Variants in POU2AF2 observed in about 807,000 individuals in gnomAD.
The protein encoded by POU2AF2 is POU class 2 homeobox associating factor 2.
At chr11:111,247,191 C>CAGAGAGAGAGAGAGAG in the POU2AF2 span, among the ~76,000 whole-genome samples, 6,072 of 144,726 alleles carry the variant, frequency 0.042, 167 homozygotes, top group South Asian at 0.06. Flanking sequence ...TACACACACA[C>CAGAGAGAGAGAGAGAG]AGAGAGAGAG....
the POU2AF2 span, chr11:111,284,103 G>A: frequency 6.2e-7 from 1 of 1,614,208 alleles, no homozygotes; most frequent in Non-Finnish European, 8.5e-7. Flanking sequence ...GGTTACTACG[G>A]TGTCAGAAGA....
the POU2AF2 span, among the ~76,000 whole-genome samples, chr11:111,262,649 C>T: frequency 6.6e-6 from 1 of 152,166 alleles, no homozygotes; most frequent in Non-Finnish European, 1.5e-5. Context: ...CTCCTTCTTT[C>T]GTCTGTTTGA....
At chr11:111,256,651 A>G in the POU2AF2 span, among the ~76,000 whole-genome samples, 2 of 152,242 alleles carry the variant, frequency 1.3e-5, no homozygotes, top group Non-Finnish European at 2.9e-5. Context: ...GGTCCCTTCC[A>G]GCTGTAAATA....
chr11:111,251,048 G>A, the POU2AF2 span, among the ~76,000 whole-genome samples: 2 of 152,122 alleles, frequency 1.3e-5, no homozygotes, highest in South Asian at 2.1e-4. Flanking sequence ...TTGAACTTGC[G>A]TTTTCAAAGG....
chr11:111,277,759 G>T, the POU2AF2 span, among the ~76,000 whole-genome samples: 1 of 152,142 alleles, frequency 6.6e-6, no homozygotes, highest in South Asian at 2.1e-4. Flanking sequence ...CTCCCTGGGC[G>T]GCACCCAGGA....
the POU2AF2 span, among the ~76,000 whole-genome samples, chr11:111,276,456 ATAT>A: frequency 7.9e-4 from 29 of 36,580 alleles, no homozygotes; most frequent in Middle Eastern, 0.012. Context: ...AAAAAAAAAT[ATAT>A]ATATATATAT....
the POU2AF2 span, among the ~76,000 whole-genome samples, chr11:111,252,203 C>G: frequency 1.3e-5 from 2 of 152,184 alleles, no homozygotes; most frequent in Non-Finnish European, 2.9e-5. Context: ...GATACTCCCC[C>G]TCTTGCTCAG....
chr11:111,254,936 T>C, the POU2AF2 span, among the ~76,000 whole-genome samples: 3 of 152,216 alleles, frequency 2.0e-5, no homozygotes, highest in Admixed American at 2.0e-4. Flanking sequence ...ACAATTATAA[T>C]AATTATAGTT....
chr11:111,271,845 T>A, the POU2AF2 span, among the ~76,000 whole-genome samples: 7 of 151,918 alleles, frequency 4.6e-5, no homozygotes, highest in East Asian at 1.4e-3. Context: ...AAACCCCGTC[T>A]CTACTAAATA....
the POU2AF2 span, among the ~76,000 whole-genome samples, chr11:111,264,705 AAAG>A: frequency 1.1e-4 from 17 of 149,372 alleles, no homozygotes; most frequent in East Asian, 8.0e-4. Context: ...AGAAAGAAAG[AAAG>A]AAGAAGAAGA....
the POU2AF2 span, among the ~76,000 whole-genome samples, chr11:111,260,544 G>A: frequency 6.6e-6 from 1 of 152,088 alleles, no homozygotes; most frequent in Non-Finnish European, 1.5e-5. Context: ...CACACACCGG[G>A]GAGAAGATAC....
the POU2AF2 span, chr11:111,245,731 G>C: frequency 2.5e-6 from 1 of 397,828 alleles, no homozygotes; most frequent in African/African-American, 2.1e-5. Flanking sequence ...GTGTGCAGAA[G>C]GCTTTCCCAC....
the POU2AF2 span, chr11:111,284,298 C>T: frequency 6.2e-7 from 1 of 1,613,370 alleles, no homozygotes; most frequent in African/African-American, 1.3e-5. Context: ...ACGCCCAACG[C>T]GGGCTCTCTG....
the POU2AF2 span, among the ~76,000 whole-genome samples, chr11:111,276,453 A>AAAAAAATATATATATATATAT: frequency 8.0e-5 from 3 of 37,666 alleles, no homozygotes; most frequent in South Asian, 1.1e-3. Flanking sequence ...AAAAAAAAAA[A>AAAAAAATATATATATATATAT]ATATATATAT....
At chr11:111,276,471 T>A in the POU2AF2 span, among the ~76,000 whole-genome samples, 33 of 120,286 alleles carry the variant, frequency 2.7e-4, no homozygotes, top group Middle Eastern at 8.7e-3. Context: ...TATATATATA[T>A]ATATATATAT....
At chr11:111,276,557 G>A in the POU2AF2 span, among the ~76,000 whole-genome samples, 15 of 144,730 alleles carry the variant, frequency 1.0e-4, no homozygotes, top group East Asian at 6.1e-4. Context: ...GAGGAGAATC[G>A]CTTGAACCCA....
At chr11:111,251,633 T>C in the POU2AF2 span, among the ~76,000 whole-genome samples, 2 of 152,200 alleles carry the variant, frequency 1.3e-5, no homozygotes, top group Non-Finnish European at 2.9e-5. Context: ...GTCATTCTCC[T>C]TCCTCCTAAC....
At chr11:111,285,356 A>G in the POU2AF2 span, among the ~76,000 whole-genome samples, 1 of 152,256 alleles carries the variant, frequency 6.6e-6, no homozygotes, top group Non-Finnish European at 1.5e-5. Flanking sequence ...AGTGCATTGC[A>G]CACAGTAAAA....
chr11:111,267,092 C>T, the POU2AF2 span, among the ~76,000 whole-genome samples: 5 of 152,224 alleles, frequency 3.3e-5, 1 homozygote, highest in Admixed American at 6.5e-5. Context: ...GATGATGCCA[C>T]ACCCAGCCCA....
Sources: gnomAD v4.1 joint callset for allele counts (sites outside exome capture counted in the v4.1 genomes callset) on GRCh38, gnomAD v4.1.1 for gene constraint, MANE v1.5 for transcripts, NCBI Gene and HGNC (gene_info 2026-07-23, HGNC 2026-07-21) for gene names.